The following PDE1C variants were observed in gnomAD, a reference collection of about 807,000 sequenced individuals.
PDE1C encodes the protein phosphodiesterase 1C, also known as dual specificity calcium/calmodulin-dependent 3',5'-cyclic nucleotide phosphodiesterase 1C.
A neutral mutation model predicts 93.1 loss-of-function variants in PDE1C; 62 were observed. The observed-to-expected ratio is 0.67, with a 90% CI of 0.54 to 0.82. The LOEUF (loss-of-function observed/expected upper bound fraction) is 0.82. Ranked by LOEUF, PDE1C falls within the 40% of genes least tolerant of loss-of-function variation. PDE1C has a pLI of 0.00. For missense variants in PDE1C, 742 were observed against 884.6 expected (o/e 0.84, Z 2.04); for synonymous variants, 325 against 310.1 (o/e 1.05, Z -0.50).
Position 31,794,089 on chromosome 7 carries a change from C to CAGACAGAT in PDE1C, c.1891+14941_1891+14942insATCTGTCT, listed in dbSNP as rs1562808129. Among the ~76,000 whole-genome samples the CAGACAGAT allele has an allele frequency of 2.9e-3, 390 of 135,822 alleles. 11 individuals carry two copies. The highest frequency in any genetic ancestry group is 3.0e-3 in the East Asian group (14 of 4,648). 89.1% of individuals were successfully genotyped at this position (135,822 alleles called of 152,430 possible). On this transcript the variant is annotated intron_variant, in intron 16 of 17. Transcript: ENST00000396191. ...ACAGACAGACAGACAGACAGACAGA[C>CAGACAGAT]AGATAGATAGACAGATAGATGGGCA... is the stretch of plus-strand genomic sequence containing the variant.
intron 1 of PDE1C, among the ~76,000 whole-genome samples, chr7:32,402,668 C>T (rs1292510154): frequency 1.3e-5 from 2 of 152,170 alleles, no homozygotes; most frequent in East Asian, 1.9e-4. Context: ...TTGGGCATCC[C>T]TTAGTGCAGT....
intron 16 of PDE1C, among the ~76,000 whole-genome samples, chr7:31,778,976 G>A: frequency 6.6e-6 from 1 of 152,068 alleles, no homozygotes; most frequent in Non-Finnish European, 1.5e-5. Context: ...CCCATTGTCT[G>A]GGTTTCCTTC....
chr7:32,163,347 A>G (rs535435422), intron 3 of PDE1C, among the ~76,000 whole-genome samples: 1 of 152,324 alleles, frequency 6.6e-6, no homozygotes, highest in South Asian at 2.1e-4. Context: ...TTTTGGCAGC[A>G]GCCCCTAGTG....
intron 2 of PDE1C, among the ~76,000 whole-genome samples, chr7:31,995,399 T>G (rs1490392268): frequency 6.6e-6 from 1 of 152,118 alleles, no homozygotes; most frequent in Admixed American, 6.5e-5. Flanking sequence ...TGATTCATCC[T>G]CCACCAAACC....
chr7:31,999,133 T>C (rs1785138020), intron 2 of PDE1C, among the ~76,000 whole-genome samples: 1 of 152,170 alleles, frequency 6.6e-6, no homozygotes, highest in African/African-American at 2.4e-5. Context: ...GCTCACTGTG[T>C]ACCGGGCACT....
intron 1 of PDE1C, among the ~76,000 whole-genome samples, chr7:32,294,776 C>T (rs1239613803): frequency 6.6e-6 from 1 of 152,204 alleles, no homozygotes; most frequent in African/African-American, 2.4e-5. Context: ...ACTTCATATG[C>T]AAATGCTCCT....
At chr7:32,056,090 A>G (rs902130720) in intron 1 of PDE1C, among the ~76,000 whole-genome samples, 2 of 152,134 alleles carry the variant, frequency 1.3e-5, no homozygotes, top group African/African-American at 4.8e-5. Context: ...AACACACTAC[A>G]AATCTCAAGA....
At position 32,010,394 on chromosome 7, in the gene PDE1C, G is replaced by C. The variant is rs185015308; in HGVS notation, c.128+41160C>G. Among the ~76,000 whole-genome samples the C allele has an allele frequency of 5.1e-4, 78 of 152,268 alleles. 1 individual carries two copies. The highest frequency in any genetic ancestry group is 1.7e-3 in the African/African-American group (72 of 41,562). On this transcript the variant is annotated intron_variant, in intron 2 of 17. Coordinates refer to ENST00000396191, the MANE Select transcript of PDE1C (RefSeq NM_001191057.4). ...GTAAAATAGCAATTCAATGGAGAAA[G>C]ATAATCTTTTCAACAAATGAGGCTG...
At chr7:32,391,021 C>T (rs1419223266) in intron 1 of PDE1C, among the ~76,000 whole-genome samples, 3 of 151,846 alleles carry the variant, frequency 2.0e-5, no homozygotes, top group African/African-American at 7.3e-5. Flanking sequence ...AAATGGCAGA[C>T]ACAAATCCAA....
intron 2 of PDE1C, among the ~76,000 whole-genome samples, chr7:32,046,587 T>C (rs541509149): frequency 2.0e-5 from 3 of 152,334 alleles, no homozygotes; most frequent in South Asian, 4.1e-4. Flanking sequence ...TACTGAACTA[T>C]ATAGCAATAT....
intron 7 of PDE1C, among the ~76,000 whole-genome samples, chr7:31,855,377 C>A (rs532962414): frequency 6.6e-6 from 1 of 152,232 alleles, no homozygotes; most frequent in African/African-American, 2.4e-5. Context: ...CTTTGATGAA[C>A]TTGTGTGATT....
intron 3 of PDE1C, among the ~76,000 whole-genome samples, chr7:32,157,286 T>C (rs1182892977): frequency 6.6e-6 from 1 of 152,172 alleles, no homozygotes; most frequent in Non-Finnish European, 1.5e-5. Flanking sequence ...ATAGGGAAAT[T>C]ATAATTAACA....
chr7:31,978,837 G>A (rs990960377), intron 2 of PDE1C, among the ~76,000 whole-genome samples: 1 of 152,132 alleles, frequency 6.6e-6, no homozygotes, highest in Non-Finnish European at 1.5e-5. Flanking sequence ...GAGGTGGGGG[G>A]AGCCAATGGT....
Position 32,335,550 on chromosome 7 carries a change from C to T in PDE1C, c.310+92272G>A, listed in dbSNP as rs564646879. 3.3e-5 allele frequency among the ~76,000 whole-genome samples: 5 copies of T among 152,262 alleles called. No individual in the cohort carries two copies. The South Asian group carries it at 1.0e-3, about 32-fold the overall frequency. ...AAAGTTGGCTTCTCCTGAAGCCTCT[C>T]TTCTTGGCTTGTCGATGGCCATCTT... On this transcript the variant is annotated intron_variant, in intron 1 of 1. Coordinates refer to the PDE1C transcript ENST00000672256.
chr7:32,378,282 C>T (rs1173599228), intron 1 of PDE1C, among the ~76,000 whole-genome samples: 1 of 152,152 alleles, frequency 6.6e-6, no homozygotes, highest in African/African-American at 2.4e-5. Flanking sequence ...TCTCAAATGC[C>T]GATCTTGAAA....
intron 6 of PDE1C, among the ~76,000 whole-genome samples, chr7:31,871,656 A>G (rs1337401885): frequency 1.3e-5 from 2 of 151,740 alleles, no homozygotes; most frequent in Non-Finnish European, 2.9e-5. Context: ...GCAAAATGAG[A>G]TATCATCTTA....
intron 2 of PDE1C, among the ~76,000 whole-genome samples, chr7:32,043,375 AT>A (rs1792105324): frequency 6.6e-6 from 1 of 152,138 alleles, no homozygotes; most frequent in Non-Finnish European, 1.5e-5. Flanking sequence ...GGATTTAGAG[AT>A]TTGCCTCCTC....
chr7:31,783,473 T>C (rs1477017043), intron 16 of PDE1C: 1 of 152,114 alleles, frequency 6.6e-6, no homozygotes, highest in Non-Finnish European at 1.5e-5. Flanking sequence ...TGGACAACAA[T>C]GGGAAACATT....
intron 2 of PDE1C, among the ~76,000 whole-genome samples, chr7:31,972,050 T>G (rs528167957): frequency 1.3e-5 from 2 of 152,286 alleles, no homozygotes; most frequent in East Asian, 3.9e-4. Flanking sequence ...TGCCTAACCC[T>G]GGCTGATATC....
Sources: gnomAD v4.1 joint callset for allele counts (sites outside exome capture counted in the v4.1 genomes callset) on GRCh38, gnomAD v4.1.1 for gene constraint, MANE v1.5 for transcripts, NCBI Gene and HGNC (gene_info 2026-07-23, HGNC 2026-07-21) for gene names.